The following ABR variants were observed in gnomAD, a reference collection of about 807,000 sequenced individuals.
The protein encoded by ABR is ABR activator of RhoGEF and GTPase, also known as active breakpoint cluster region-related protein.
ABR carries 35 observed loss-of-function variants against 107.2 expected under a neutral mutation model. That is an observed-to-expected ratio of 0.33 (90% CI 0.25 to 0.43). The LOEUF (loss-of-function observed/expected upper bound fraction) is 0.43. Among genes scored for constraint, ABR ranks in the 20% least tolerant of loss-of-function variants. ABR has a pLI of 1.00. For synonymous variants in ABR, 498 were observed against 462.0 expected, an observed-to-expected ratio of 1.08 and a Z score of -1.00; for missense variants, 815 against 1,115.2, an observed-to-expected ratio of 0.73 and a Z score of 3.83.
chr17:1,120,712 T>C (rs2039308697), intron 2 of ABR, among the ~76,000 whole-genome samples: 1 of 152,150 alleles, frequency 6.6e-6, no homozygotes, highest in African/African-American at 2.4e-5. Flanking sequence ...TCACAACAGC[T>C]GTGAGGTTTG....
chr17:1,107,585 G>A (rs146992492), intron 2 of ABR, among the ~76,000 whole-genome samples: 21 of 152,320 alleles, frequency 1.4e-4, no homozygotes, highest in Admixed American at 1.2e-3. Flanking sequence ...CTTCCCAGAG[G>A]AGGCCCATGA....
At position 1,078,177 on chromosome 17, in the gene ABR, C is replaced by T. The variant is rs949962031; in HGVS notation, c.700+1153G>A. On this transcript the variant is annotated intron_variant, in intron 6 of 22. Transcript: ENST00000302538. This position sits in a 1 kb window ranked among gnomAD's most constrained non-coding sequence, Gnocchi z 7.5. ...CACACCCCTCTCCCGCTGGCCCTGCCGACCTGCCTTCCACAGTTGAGGGCC... is the reference window on the plus strand; with the variant it reads ...CACACCCCTCTCCCGCTGGCCCTGCTGACCTGCCTTCCACAGTTGAGGGCC... Among the ~76,000 whole-genome samples the T allele has an allele frequency of 3.9e-5, 6 of 151,976 alleles. No homozygotes were observed. The highest frequency in any genetic ancestry group is 9.7e-5 in the African/African-American group (4 of 41,382).
intron 1 of ABR, among the ~76,000 whole-genome samples, chr17:1,214,107 G>A (rs1209294279): frequency 1.3e-5 from 2 of 150,230 alleles, no homozygotes; most frequent in East Asian, 2.0e-4. Flanking sequence ...GGCTGGTCTC[G>A]AACTCCTGAT....
At chr17:1,038,179 T>A (rs2150962139) in intron 16 of ABR, among the ~76,000 whole-genome samples, 1 of 152,226 alleles carries the variant, frequency 6.6e-6, no homozygotes, top group East Asian at 1.9e-4. Context: ...ACAGGCAGAA[T>A]CTGAGGCACA....
In ABR at chr17:1,007,323, G is replaced by T; in HGVS notation, c.2343-11C>A. 6.2e-7 allele frequency: 1 copy of T among 1,613,932 alleles called. No homozygotes were observed. The highest frequency in any genetic ancestry group is 8.5e-7 in the Non-Finnish European group (1 of 1,179,914). On this transcript the variant is annotated splice_polypyrimidine_tract_variant and intron_variant, in intron 21 of 22. Coordinates refer to ENST00000302538, the MANE Select transcript of ABR (RefSeq NM_021962.5). ...TCCTTCTCGGCAACCCTAAGAAGGA[G>T]AAGATGGGGAGGAAAGAAGCCCTTC...
rs1426315767 is a variant in ABR, at chr17:1,010,094, T to C, written c.2237-310A>G. ...TCGTAACAGGACACCCCCTGGTCTG[T>C]GTGGCTAAGGTTAAGCCAGTAGGGA... On this transcript the variant is annotated intron_variant, in intron 20 of 22. Coordinates refer to ENST00000302538, the MANE Select transcript of ABR (RefSeq NM_021962.5). This position sits in a 1 kb window ranked among gnomAD's most constrained non-coding sequence, Gnocchi z 4.1. 4.2e-6 allele frequency: 2 copies of C among 477,818 alleles called. No individual in the cohort carries two copies. Among genetic ancestry groups the C allele is most frequent in the Non-Finnish European group, 7.7e-6 (2 of 261,278 alleles). The allele number at this position is 477,818 out of a possible 1,614,324, so 29.6% of individuals were successfully genotyped here. A position where few individuals can be genotyped will look rare whatever the true frequency, so the allele number is the denominator to read the frequency against.
In ABR at chr17:1,148,759, CA is replaced by C. The variant is rs2040663513; in HGVS notation, c.62-23393del. ...CGCTGGTTTCACAGATGCGGAGTCT[CA>C]GTTTAGCCAGGTGAGAGTTCCGGAG... is the stretch of plus-strand genomic sequence containing the variant. On this transcript the variant is annotated intron_variant, in intron 1 of 22. Transcript: ENST00000302538. This position sits in a 1 kb window ranked among gnomAD's most constrained non-coding sequence, Gnocchi z 4.9. Among the ~76,000 whole-genome samples, 1 of 152,204 alleles carries C rather than the reference CA, an allele frequency of 6.6e-6. No homozygotes were observed. Among genetic ancestry groups the C allele is most frequent in the African/African-American group, 2.4e-5 (1 of 41,456 alleles).
chr17:1,202,705 T>G (rs1203361480), intron 1 of ABR, among the ~76,000 whole-genome samples: 9 of 152,010 alleles, frequency 5.9e-5, no homozygotes, highest in Non-Finnish European at 1.2e-4. Context: ...CCGCTGACCC[T>G]TGATGAAATA....
At chr17:1,183,015 G>A (rs1354821337), upstream of ABR, among the ~76,000 whole-genome samples, 1 of 152,176 alleles carries the variant, frequency 6.6e-6, no homozygotes, top group African/African-American at 2.4e-5. Flanking sequence ...TGAGGAGTTG[G>A]GGAGATCCAA....
rs559669536 is a variant in ABR, at chr17:1,101,014, G to A, written c.247-279C>T. On this transcript the variant is annotated intron_variant, in intron 2 of 22. Coordinates refer to ENST00000302538, the MANE Select transcript of ABR (RefSeq NM_021962.5). The stretch of plus-strand genomic sequence containing the variant: ...AATTTTTGTATTTTTAGTAGAGATG[G>A]GGTTTCACCATGTTGGCCAGGCTGA... 3.0e-4 allele frequency: 139 copies of A among 456,628 alleles called. 1 individual carries two copies. In the South Asian group the frequency reaches 3.2e-3, roughly 10 times the overall value. The allele number at this position is 456,628 out of a possible 1,614,324, so 28.3% of individuals were successfully genotyped here. A position where few individuals can be genotyped will look rare whatever the true frequency, so the allele number is the denominator to read the frequency against.
intron 3 of ABR, among the ~76,000 whole-genome samples, chr17:1,100,158 C>A (rs1403903550): frequency 6.6e-6 from 1 of 151,472 alleles, no homozygotes; most frequent in Non-Finnish European, 1.5e-5. Flanking sequence ...AAGAACACAG[C>A]CTCCCACCTC....
At position 1,027,389 on chromosome 17, in the gene ABR, GCA is replaced by G. The variant is rs752012625; in HGVS notation, c.1792-14227_1792-14226del. 2.6e-5 allele frequency among the ~76,000 whole-genome samples: 4 copies of G among 152,320 alleles called. No individual in the cohort carries two copies. In the South Asian group the frequency reaches 8.3e-4, roughly 32 times the overall value. On this transcript the variant is annotated intron_variant, in intron 16 of 22. Transcript: ENST00000302538. The surrounding 1 kb of genome is among the most constrained non-coding windows in gnomAD (Gnocchi z 4.7). ...GATGTCTGCAGCCCCCTCTGAAGTC[GCA>G]CACAGTGTGTGCATGGGGTGGCTCT...
At chr17:1,160,917 G>A (rs2041264843) in intron 1 of ABR, among the ~76,000 whole-genome samples, 1 of 152,238 alleles carries the variant, frequency 6.6e-6, no homozygotes, top group South Asian at 2.1e-4. Context: ...TGGAGGCAAC[G>A]TCACTCCATC....
Position 1,069,956 on chromosome 17 carries a change from C to T in ABR, c.1016+13G>A. 1 of 1,588,010 alleles carries T rather than the reference C, an allele frequency of 6.3e-7. No individual in the cohort carries two copies. Among genetic ancestry groups the T allele is most frequent in the South Asian group, 1.1e-5 (1 of 90,524 alleles). On this transcript the variant is annotated intron_variant, in intron 9 of 22. Transcript: ENST00000302538. ...CCCTCCCCCGCCCCGTGCCCCTGGACTCACACACTCACCCTGCAGAGGTCT... is the reference window on the plus strand; with the variant it reads ...CCCTCCCCCGCCCCGTGCCCCTGGATTCACACACTCACCCTGCAGAGGTCT...
chr17:1,089,762 C>A lies in ABR; in HGVS notation c.531+1903G>T, dbSNP rs553834544. ...ATCACCTGAGGTCAGGAGTTCGAGA[C>A]CAGCCTGGCCGACATGGCGAAACCC... On this transcript the variant is annotated intron_variant, in intron 4 of 22. Coordinates refer to ENST00000302538, the MANE Select transcript of ABR (RefSeq NM_021962.5). Among the ~76,000 whole-genome samples, 16 of 152,316 alleles carry A rather than the reference C, an allele frequency of 1.1e-4. No individual in the cohort carries two copies. In the South Asian group the frequency reaches 3.3e-3, roughly 32 times the overall value.
At position 1,067,260 on chromosome 17, in the gene ABR, G is replaced by A. The variant is rs1567691834; in HGVS notation, c.1017-18C>T. The A allele has an allele frequency of 1.3e-6, 2 of 1,560,538 alleles. No homozygotes were observed. Among genetic ancestry groups the A allele is most frequent in the East Asian group, 2.3e-5 (1 of 43,982 alleles). ...GGTGCTTCCTGCAAACGAGCCAGAG[G>A]GAGCCATGAGCCAGAGGGAGCCTGG... is the stretch of plus-strand genomic sequence containing the variant. On this transcript the variant is annotated intron_variant, in intron 9 of 22. Coordinates refer to ENST00000302538, the MANE Select transcript of ABR (RefSeq NM_021962.5).
intron 1 of ABR, among the ~76,000 whole-genome samples, chr17:1,161,943 C>G (rs1221036489): frequency 6.6e-6 from 1 of 152,204 alleles, no homozygotes; most frequent in Non-Finnish European, 1.5e-5. Flanking sequence ...ATCATAGCAC[C>G]CATTCCCCTG....
chr17:1,172,340 C>G (rs1047001702), intron 1 of ABR, among the ~76,000 whole-genome samples: 9 of 152,220 alleles, frequency 5.9e-5, no homozygotes, highest in Non-Finnish European at 1.5e-5. Flanking sequence ...TTTCTCCTTC[C>G]CCCTTCACAA....
chr17:1,097,084 A>G (rs1230013612), intron 3 of ABR, among the ~76,000 whole-genome samples: 1 of 152,182 alleles, frequency 6.6e-6, no homozygotes, highest in Non-Finnish European at 1.5e-5. Context: ...GCTGTTAGAA[A>G]GGCAGAGCAG....
Sources: allele counts gnomAD v4.1 joint callset (sites outside exome capture counted in the v4.1 genomes callset), GRCh38; gene constraint gnomAD v4.1.1; non-coding constraint Gnocchi (gnomAD v3.1); transcripts MANE v1.5; gene names NCBI Gene and HGNC (gene_info 2026-07-23, HGNC 2026-07-21).